EPM2A: variants seen among roughly 807,000 people sequenced by gnomAD.
EPM2A encodes EPM2A glucan phosphatase, laforin.
Under a neutral mutation model 26.5 loss-of-function variants are expected in EPM2A, and 21 were observed. The observed-to-expected ratio is 0.79, with a 90% CI of 0.56 to 1.14. The LOEUF is 1.14. Among genes scored for constraint, EPM2A ranks in the 50% most tolerant of loss-of-function variants. The pLI is 0.00. For synonymous variants in EPM2A, 217 were observed against 177.6 expected (o/e 1.22, Z -1.76); for missense variants, 458 against 440.8 (o/e 1.04, Z -0.35).
At chr6:145,539,729 T>A (rs75345524) in intron 2 of EPM2A, among the ~76,000 whole-genome samples, 3,414 of 152,288 alleles carry the variant, frequency 0.022, 46 homozygotes, top group Admixed American at 0.031. Flanking sequence ...TAACCATGAC[T>A]TTTTGTTTTC....
chr6:145,420,784 C>T (rs912992944), intron 4 of EPM2A, among the ~76,000 whole-genome samples: 1 of 152,142 alleles, frequency 6.6e-6, no homozygotes, highest in South Asian at 2.1e-4. Flanking sequence ...AGAGAGAGCC[C>T]TCTTACTGTG....
intron 4 of EPM2A, among the ~76,000 whole-genome samples, chr6:145,418,350 A>G (rs1199310551): frequency 3.9e-5 from 6 of 152,148 alleles, no homozygotes; most frequent in Admixed American, 3.9e-4. Flanking sequence ...GCTTCTTTCC[A>G]GGAATATCTC....
At chr6:145,584,322 T>C (rs1324879742) in intron 2 of EPM2A, among the ~76,000 whole-genome samples, 1 of 152,116 alleles carries the variant, frequency 6.6e-6, no homozygotes, top group African/African-American at 2.4e-5. Flanking sequence ...TGATTGGGCA[T>C]CCAAGGCTGT....
chr6:145,701,012 T>G (rs13216883), intron 1 of EPM2A, among the ~76,000 whole-genome samples: 1 of 152,174 alleles, frequency 6.6e-6, no homozygotes, highest in African/African-American at 2.4e-5. Context: ...TACAGCTAGT[T>G]GAAATGGAGG....
At chr6:145,646,885 G>T (rs1777511890) in intron 2 of EPM2A, among the ~76,000 whole-genome samples, 1 of 152,074 alleles carries the variant, frequency 6.6e-6, no homozygotes, top group Non-Finnish European at 1.5e-5. Flanking sequence ...CCAGTCTCCA[G>T]GAATTGTGCC....
chr6:145,527,665 A>T (rs1780295504), intron 2 of EPM2A, among the ~76,000 whole-genome samples: 1 of 152,020 alleles, frequency 6.6e-6, no homozygotes, highest in Non-Finnish European at 1.5e-5. Flanking sequence ...TATGGGTGTC[A>T]TTACTTATAA....
At chr6:145,480,130 T>TG (rs1465734856) in intron 4 of EPM2A, among the ~76,000 whole-genome samples, 8 of 151,904 alleles carry the variant, frequency 5.3e-5, no homozygotes, top group Non-Finnish European at 8.8e-5. Context: ...TTTTCAGTAG[T>TG]GTATTTGTTC....
intron 2 of EPM2A, among the ~76,000 whole-genome samples, chr6:145,554,445 T>TAGAC (rs1270251505): frequency 2.6e-5 from 4 of 151,698 alleles, no homozygotes; most frequent in Non-Finnish European, 5.9e-5. Context: ...GATAGATAGA[T>TAGAC]AGATAGATAG....
At chr6:145,402,764 A>T (rs1271180719) in intron 4 of EPM2A, among the ~76,000 whole-genome samples, 1 of 151,896 alleles carries the variant, frequency 6.6e-6, no homozygotes, top group Non-Finnish European at 1.5e-5. Flanking sequence ...TATTCTTGAA[A>T]CTCCTCTGTA....
At chr6:145,541,600 T>G (rs1780511851) in intron 2 of EPM2A, among the ~76,000 whole-genome samples, 1 of 152,146 alleles carries the variant, frequency 6.6e-6, no homozygotes, top group African/African-American at 2.4e-5. Flanking sequence ...ATTCCTGAAT[T>G]TTCATCTTTG....
Position 145,627,617 on chromosome 6 carries a change from G to A in EPM2A, c.795C>T (p.His265=), listed in dbSNP as rs1307437257. The change falls in exon 4 of 4, where the codon CAC becomes CAT. Residue 265 remains histidine, a synonymous_variant. Coordinates refer to ENST00000367519, the MANE Select transcript of EPM2A (RefSeq NM_005670.4). ...TGGAGCGGCCCACCCCAGCGTTGCA[G>A]TGCACGTACACGATGTGTCCCTTCT... ...LLEKGHIVYV[H]CNAGVGRSTA... is the part of the protein sequence containing the mutation. 1 of 1,614,222 alleles carries A rather than the reference G, an allele frequency of 6.2e-7. No individual in the cohort carries two copies. The highest frequency in any genetic ancestry group is 8.5e-7 in the Non-Finnish European group (1 of 1,180,048).
chr6:145,546,731 T>G (rs1780587576), intron 2 of EPM2A, among the ~76,000 whole-genome samples: 1 of 152,162 alleles, frequency 6.6e-6, no homozygotes, highest in Non-Finnish European at 1.5e-5. Context: ...ATGGAATGAA[T>G]TAAGGCAGTA....
intron 2 of EPM2A, chr6:145,640,319 A>G (rs1194792552): frequency 1.3e-5 from 2 of 152,218 alleles, no homozygotes. Context: ...TCCATCACTA[A>G]TGGCCATGAG....
chr6:145,696,823 GTGT>G (rs1781615101), intron 1 of EPM2A, among the ~76,000 whole-genome samples: 2 of 132,150 alleles, frequency 1.5e-5, no homozygotes, highest in African/African-American at 2.9e-5. Context: ...GTGTGTGTGT[GTGT>G]GGTGTGTTTC....
chr6:145,710,123 T>G (rs1427464695), intron 1 of EPM2A, among the ~76,000 whole-genome samples: 2 of 152,000 alleles, frequency 1.3e-5, no homozygotes, highest in African/African-American at 4.8e-5. Context: ...AAATGGGATC[T>G]AATTAAACTA....
intron 4 of EPM2A, among the ~76,000 whole-genome samples, chr6:145,434,754 A>C (rs1000500920): frequency 1.3e-4 from 20 of 152,182 alleles, no homozygotes; most frequent in Admixed American, 1.3e-3. Context: ...GAAACTCCAC[A>C]GTTACTAGCA....
chr6:145,405,861 C>A (rs570713286), intron 4 of EPM2A, among the ~76,000 whole-genome samples: 2 of 151,936 alleles, frequency 1.3e-5, no homozygotes, highest in East Asian at 3.8e-4. Context: ...AGTGTTTATA[C>A]CCACTTTACA....
At chr6:145,415,187 T>C (rs1326269877) in intron 4 of EPM2A, among the ~76,000 whole-genome samples, 1 of 152,238 alleles carries the variant, frequency 6.6e-6, no homozygotes, top group Non-Finnish European at 1.5e-5. Context: ...AATTGTGCTT[T>C]CATTGGCTAG....
intron 2 of EPM2A, among the ~76,000 whole-genome samples, chr6:145,562,916 T>C (rs897650553): frequency 6.6e-6 from 1 of 151,190 alleles, no homozygotes; most frequent in East Asian, 2.0e-4. Context: ...TGAGGGGGTG[T>C]GTCTTCTGCT....
Sources: gnomAD v4.1 joint callset for allele counts (sites outside exome capture counted in the v4.1 genomes callset) on GRCh38, gnomAD v4.1.1 for gene constraint, MANE v1.5 for transcripts, NCBI Gene and HGNC (gene_info 2026-07-23, HGNC 2026-07-21) for gene names.